SMPX: variants seen among roughly 807,000 people sequenced by gnomAD.
The protein encoded by SMPX is small muscle protein X-linked, also known as small muscular protein.
In SMPX, 2 loss-of-function variants were observed where a neutral mutation model predicts 6.3. That is an observed-to-expected ratio of 0.32 (90% confidence interval 0.13 to 0.99). The LOEUF (loss-of-function observed/expected upper bound fraction) is 0.99, where lower values mean the gene tolerates loss of function less well. SMPX is among the 50% of genes least tolerant of loss of function. The probability of loss-of-function intolerance (pLI) is 0.49; values close to 1 mark genes in which losing one functional copy is unlikely to be tolerated. For missense variants in SMPX, 60 were observed against 66.8 expected (o/e 0.90, Z 0.36); for synonymous variants, 32 against 24.7 (o/e 1.30, Z -0.88).
At chrX:21,719,192 C>A (rs1035637064) in intron 4 of SMPX, among the ~76,000 whole-genome samples, 1 of 112,021 alleles carries the variant, frequency 8.9e-6, no homozygotes, top group African/African-American at 3.3e-5. Context: ...ATATCCTGTG[C>A]TTTTTTCTTG....
chrX:21,717,231 G>T (rs766764162), intron 4 of SMPX, among the ~76,000 whole-genome samples: 1 of 111,788 alleles, frequency 8.9e-6, no homozygotes, highest in Non-Finnish European at 1.9e-5. Context: ...TGCTGTTCTC[G>T]TGAGAGTGAG....
intron 4 of SMPX, among the ~76,000 whole-genome samples, chrX:21,717,488 A>G (rs189300481): frequency 3.6e-4 from 41 of 112,584 alleles, no homozygotes; most frequent in African/African-American, 1.2e-3. Flanking sequence ...TTAGAAATCA[A>G]TGTATGTTTC....
chrX:21,719,348 A>G (rs2092788923), intron 4 of SMPX, among the ~76,000 whole-genome samples: 1 of 110,537 alleles, frequency 9.0e-6, no homozygotes, highest in Non-Finnish European at 1.9e-5. Flanking sequence ...GTGAAACCCC[A>G]TCTCTACTAA....
Position 21,737,579 on chromosome X carries a change from G to C in SMPX, c.251C>G (p.Pro84Arg). ...TTCTTCCTACTACTGTTCAGCTTTGGGGACATATTTTAGTTCACTTTTAAT... is the reference window on the plus strand; with the variant it reads ...TTCTTCCTACTACTGTTCAGCTTTGCGGACATATTTTAGTTCACTTTTAAT... The part of the protein sequence containing the change: ...QNIKSELKYV[P>R]KAEQ The change falls in exon 4 of 5, where the codon CCC becomes CGC. Residue 84 changes from proline to arginine, a missense_variant. Physicochemically the swap from Pro to Arg is moderately radical, Grantham distance 103. Coordinates refer to ENST00000379494, the MANE Select transcript of SMPX (RefSeq NM_014332.3). The C allele has an allele frequency of 8.3e-7, 1 of 1,207,052 alleles. No homozygotes were observed. Among genetic ancestry groups the C allele is most frequent in the Non-Finnish European group, 1.1e-6 (1 of 891,535 alleles).
chrX:21,754,704 T>G (rs897769629), intron 1 of SMPX, among the ~76,000 whole-genome samples: 2 of 112,262 alleles, frequency 1.8e-5, no homozygotes, highest in African/African-American at 6.5e-5. Flanking sequence ...TGATCTGAAT[T>G]CATAATTGCC....
intron 2 of SMPX, among the ~76,000 whole-genome samples, chrX:21,745,327 G>A (rs1392809966): frequency 1.8e-5 from 2 of 111,586 alleles, no homozygotes; most frequent in Non-Finnish European, 3.8e-5. Flanking sequence ...CATCGAGTGG[G>A]AGGAGGAGGG....
intron 4 of SMPX, among the ~76,000 whole-genome samples, chrX:21,727,069 T>C (rs1284244241): frequency 8.9e-6 from 1 of 112,775 alleles, no homozygotes; most frequent in East Asian, 2.8e-4. Context: ...GGATGTTGTC[T>C]TGTATCACCT....
intron 4 of SMPX, among the ~76,000 whole-genome samples, chrX:21,735,955 CAT>C (rs1254140930): frequency 9.0e-6 from 1 of 111,683 alleles, no homozygotes; most frequent in East Asian, 2.8e-4. Context: ...CATGTAGCCA[CAT>C]GTCAGGTTAG....
intron 4 of SMPX, among the ~76,000 whole-genome samples, chrX:21,722,808 G>A (rs954812079): frequency 3.6e-5 from 4 of 110,968 alleles, no homozygotes; most frequent in Admixed American, 9.6e-5. Flanking sequence ...GTGACCTTGC[G>A]GAAAGTCATG....
At chrX:21,717,228 C>T (rs958186973) in intron 4 of SMPX, among the ~76,000 whole-genome samples, 2 of 111,815 alleles carry the variant, frequency 1.8e-5, no homozygotes, top group Non-Finnish European at 3.8e-5. Flanking sequence ...TCATGCTGTT[C>T]TCGTGAGAGT....
chrX:21,731,689 T>C lies in SMPX; in HGVS notation c.*14+5860A>G, dbSNP rs755264555. ...GTATGTGTACACATTAATGTGTACA[T>C]GTACACATAAATGTGTATATGTGTA... On this transcript the variant is annotated intron_variant, in intron 4 of 4. Coordinates refer to ENST00000379494, the MANE Select transcript of SMPX (RefSeq NM_014332.3). Among the ~76,000 whole-genome samples the C allele has an allele frequency of 3.2e-3, 248 of 77,142 alleles. 6 individuals carry two copies. Among genetic ancestry groups the C allele is most frequent in the African/African-American group, 0.013 (222 of 17,221 alleles). 67.0% of individuals were successfully genotyped at this position (77,142 alleles called of 115,157 possible). A position where few individuals can be genotyped will look rare whatever the true frequency, so the allele number is the denominator to read the frequency against.
intron 2 of SMPX, among the ~76,000 whole-genome samples, chrX:21,746,885 T>A (rs1288055924): frequency 9.0e-6 from 1 of 111,317 alleles, no homozygotes; most frequent in African/African-American, 3.3e-5. Flanking sequence ...TAAGAAAAAT[T>A]CCTTATAATT....
At position 21,708,339 on chromosome X, in the gene SMPX, G is replaced by A. The variant is rs541261794; in HGVS notation, c.*15-1945C>T. ...CAGCTAGGGGGAGCCATGGGACCCA[G>A]TTCTGGCCATTGAATCCAGAGAAGT... On this transcript the variant is annotated intron_variant, in intron 4 of 4. Transcript: ENST00000379494. Among the ~76,000 whole-genome samples, 57 of 112,279 alleles carry A rather than the reference G, an allele frequency of 5.1e-4. No homozygotes were observed. The South Asian group carries it at 0.021, about 41-fold the overall frequency.
chrX:21,754,176 G>A, intron 2 of SMPX, 70 bp downstream of exon 2: 1 of 901,646 alleles, frequency 1.1e-6, no homozygotes, highest in South Asian at 2.0e-5. Context: ...TTCACCATCA[G>A]CTAGGAGTGA....
At chrX:21,719,930 T>A (rs1405950869) in intron 4 of SMPX, among the ~76,000 whole-genome samples, 1 of 111,973 alleles carries the variant, frequency 8.9e-6, no homozygotes, top group Non-Finnish European at 1.9e-5. Context: ...GTGGTAAGGA[T>A]CAGGAGGGGT....
chrX:21,715,447 A>T (rs986390545), intron 4 of SMPX, among the ~76,000 whole-genome samples: 2 of 111,430 alleles, frequency 1.8e-5, no homozygotes, highest in Admixed American at 1.9e-4. Flanking sequence ...ATTACATCAG[A>T]GTCTCTGGAA....
chrX:21,720,805 G>C (rs1243696107), intron 4 of SMPX, among the ~76,000 whole-genome samples: 1 of 112,378 alleles, frequency 8.9e-6, no homozygotes, highest in Non-Finnish European at 1.9e-5. Context: ...TTGAACCAAA[G>C]TTTACAGTGC....
At chrX:21,740,031 A>G (rs992510922) in intron 3 of SMPX, among the ~76,000 whole-genome samples, 9 of 112,268 alleles carry the variant, frequency 8.0e-5, no homozygotes, top group African/African-American at 2.9e-4. Flanking sequence ...ATTTATCAAC[A>G]TAAGACTTTC....
At chrX:21,749,518 T>A (rs73453576) in intron 2 of SMPX, among the ~76,000 whole-genome samples, 5,324 of 111,675 alleles carry the variant, frequency 0.048, 296 homozygotes, top group African/African-American at 0.16. Flanking sequence ...CCTCCAGCCT[T>A]ACTCTCTGTG....
Sources: gnomAD v4.1 joint callset for allele counts (sites outside exome capture counted in the v4.1 genomes callset) on GRCh38, gnomAD v4.1.1 for gene constraint, MANE v1.5 for transcripts, NCBI Gene and HGNC (gene_info 2026-07-23, HGNC 2026-07-21) for gene names.